Variants in SDR42E2 observed in about 807,000 individuals in gnomAD.
The protein encoded by SDR42E2 is short chain dehydrogenase/reductase family 42E, member 2.
In SDR42E2, 20 loss-of-function variants were observed where a neutral mutation model predicts 10.5. That is an observed-to-expected ratio of 1.90 (90% CI 1.34 to 2.77). SDR42E2 has a LOEUF of 2.77. Ranked by LOEUF, SDR42E2 falls within the 30% of genes most tolerant of loss-of-function variation. SDR42E2 has a pLI of 0.00. For missense variants in SDR42E2, 162 were observed against 104.2 expected (o/e 1.55, Z -2.42); for synonymous variants, 72 against 39.2 (o/e 1.84, Z -3.12).
rs1036626156 is a variant in SDR42E2, at chr16:22,177,979, A to C, written c.590-151A>C. On this transcript the variant is annotated intron_variant, in intron 7 of 12. Transcript: ENST00000602312. ...ATAGTGTCTGTTGAATGACTGACTAAGAGAATAATAAATTGAACGAGGAAG... is the reference window on the plus strand; with the variant it reads ...ATAGTGTCTGTTGAATGACTGACTACGAGAATAATAAATTGAACGAGGAAG... 15 of 580,054 alleles carry C rather than the reference A, an allele frequency of 2.6e-5. No individual in the cohort carries two copies. The African/African-American group carries it at 2.8e-4, about 11-fold the overall frequency. 35.9% of individuals were successfully genotyped at this position (580,054 alleles called of 1,614,324 possible).
chr16:22,181,694 A>T, intron 9 of SDR42E2, 38 bp downstream of exon 9: 1 of 697,594 alleles, frequency 1.4e-6, no homozygotes, highest in Non-Finnish European at 2.6e-6. Flanking sequence ...CCTTCCCCAC[A>T]GGGCTGCAGG....
At chr16:22,184,129 C>T in intron 10 of SDR42E2, 52 bp from the exon 11 acceptor site, 6 of 400,374 alleles carry the variant, frequency 1.5e-5, no homozygotes, top group Non-Finnish European at 2.7e-5. Flanking sequence ...GTGGTCTTTC[C>T]ACACCAGCCC....
intron 8 of SDR42E2, among the ~76,000 whole-genome samples, chr16:22,179,045 G>C (rs573462057): frequency 6.6e-6 from 1 of 152,230 alleles, no homozygotes; most frequent in South Asian, 2.1e-4. Context: ...CCAGGCAAGA[G>C]TGCAATGGTG....
At chr16:22,168,868 G>A (rs574279967) in intron 4 of SDR42E2, among the ~76,000 whole-genome samples, 6 of 151,940 alleles carry the variant, frequency 3.9e-5, no homozygotes, top group South Asian at 2.1e-4. Context: ...AGCTAAACTC[G>A]GTCTCAAAAA....
At chr16:22,187,624 C>A (rs1017662129) in intron 12 of SDR42E2, among the ~76,000 whole-genome samples, 1 of 151,424 alleles carries the variant, frequency 6.6e-6, no homozygotes, top group Admixed American at 6.6e-5. Flanking sequence ...AAAAGATTCT[C>A]CCCCCTCAGC....
chr16:22,185,796 G>T lies in SDR42E2; in HGVS notation c.941-925G>T, dbSNP rs117997937. Among the ~76,000 whole-genome samples the T allele has an allele frequency of 4.6e-5, 7 of 152,088 alleles. No individual in the cohort carries two copies. In the East Asian group the frequency reaches 1.4e-3, roughly 29 times the overall value. ...TAATTTTTATACTTTAGTAGAGATG[G>T]GGGTCTTGCTATGTTACCCCAGCTG... On this transcript the variant is annotated intron_variant, in intron 11 of 12. Transcript: ENST00000602312.
At chr16:22,174,728 C>A (rs1402786218) in intron 7 of SDR42E2, among the ~76,000 whole-genome samples, 1 of 152,086 alleles carries the variant, frequency 6.6e-6, no homozygotes. Flanking sequence ...AATCCTCCAG[C>A]CAAGAATTAT....
chr16:22,180,763 T>C (rs1267838037), intron 8 of SDR42E2, among the ~76,000 whole-genome samples: 1 of 152,058 alleles, frequency 6.6e-6, no homozygotes, highest in African/African-American at 2.4e-5. Flanking sequence ...TCCCAGCACT[T>C]TGGGAGGCCG....
At chr16:22,185,119 A>G (rs1333857027) in intron 11 of SDR42E2, among the ~76,000 whole-genome samples, 1 of 151,874 alleles carries the variant, frequency 6.6e-6, no homozygotes, top group Non-Finnish European at 1.5e-5. Context: ...ACCCCCGACA[A>G]TGCGTCTTGG....
intron 12 of SDR42E2, among the ~76,000 whole-genome samples, chr16:22,189,076 T>C (rs1165561007): frequency 6.6e-6 from 1 of 152,138 alleles, no homozygotes; most frequent in Non-Finnish European, 1.5e-5. Context: ...TCTAGGTGTA[T>C]TAGGGACCCT....
Position 22,190,508 on chromosome 16 carries a change from T to C in SDR42E2, c.*115T>C. ...CTTCTGGGTTTGAGCGCGCCTCCGC[T>C]CCGCCCCTTGAATCCTGGTCACGCC... On this transcript the variant is annotated 3_prime_UTR_variant, in exon 13 of 13. Transcript: ENST00000602312. The C allele has an allele frequency of 7.5e-6, 3 of 399,284 alleles. No individual in the cohort carries two copies. The highest frequency in any genetic ancestry group is 1.3e-5 in the Non-Finnish European group (3 of 226,584). The allele number at this position is 399,284 out of a possible 1,614,324, so 24.7% of individuals were successfully genotyped here. A position where few individuals can be genotyped will look rare whatever the true frequency, so the allele number is the denominator to read the frequency against.
chr16:22,164,912 A>G (rs1044236879), intron 1 of SDR42E2, among the ~76,000 whole-genome samples: 9 of 152,136 alleles, frequency 5.9e-5, no homozygotes, highest in African/African-American at 1.9e-4. Context: ...TTGGTACTCC[A>G]TGGAAACTGG....
chr16:22,172,266 ACT>A lies in SDR42E2; in HGVS notation c.525_526del (p.His175GlnfsTer40), dbSNP rs1358163242. 1 of 702,954 alleles carries A rather than the reference ACT, an allele frequency of 1.4e-6. No individual in the cohort carries two copies. The highest frequency in any genetic ancestry group is 1.7e-5 in the African/African-American group (1 of 57,248). The allele number at this position is 702,954 out of a possible 1,614,324, so 43.5% of individuals were successfully genotyped here. A position where few individuals can be genotyped will look rare whatever the true frequency, so the allele number is the denominator to read the frequency against. On this transcript the variant is annotated frameshift_variant, in exon 7 of 13. Transcript: ENST00000602312. LOFTEE classifies it high-confidence loss of function. Reference sequence around the variant, plus strand: ...CCTGGCCTCTGGCAGCACGTAGACCACTACTCCCGAACCAAAGCCATCGCCGA... The same window carrying A: ...CCTGGCCTCTGGCAGCACGTAGACCAACTCCCGAACCAAAGCCATCGCCGA...
chr16:22,179,657 C>CA (rs781132880), intron 8 of SDR42E2, among the ~76,000 whole-genome samples: 3 of 151,840 alleles, frequency 2.0e-5, no homozygotes, highest in Non-Finnish European at 4.4e-5. Context: ...ACTAAAAATA[C>CA]AAAAAATTAG....
intron 9 of SDR42E2, among the ~76,000 whole-genome samples, 191 bp from the exon 10 acceptor site, chr16:22,182,021 A>G (rs1172563830): frequency 1.3e-5 from 2 of 152,102 alleles, no homozygotes; most frequent in African/African-American, 4.8e-5. Context: ...AGGTTAAGCA[A>G]CTCCATGGAG....
rs551303519 is a variant in SDR42E2, at chr16:22,170,813, A to G, written c.395-20A>G. The stretch of plus-strand genomic sequence containing the variant: ...TGTGTGTGTGTGTTTATTTGTTGCT[A>G]TGTGCACCTGCTGCTGCAGTCTGTG... On this transcript the variant is annotated intron_variant, in intron 5 of 12. Transcript: ENST00000602312. 9 of 702,820 alleles carry G rather than the reference A, an allele frequency of 1.3e-5. No homozygotes were observed. The highest frequency in any genetic ancestry group is 5.4e-5 in the East Asian group (2 of 37,268). 43.5% of individuals were successfully genotyped at this position (702,820 alleles called of 1,614,324 possible).
chr16:22,174,031 G>T (rs2046623432), intron 7 of SDR42E2, among the ~76,000 whole-genome samples: 1 of 150,248 alleles, frequency 6.7e-6, no homozygotes, highest in East Asian at 2.0e-4. Flanking sequence ...GAGAGTCGGA[G>T]GCTTAAAAAT....
Position 22,186,910 on chromosome 16 carries a change from G to A in SDR42E2, c.1014+116G>A, listed in dbSNP as rs913466939. 9 of 366,676 alleles carry A rather than the reference G, an allele frequency of 2.5e-5. No homozygotes were observed. The East Asian group carries it at 2.8e-4, about 11-fold the overall frequency. 22.7% of individuals were successfully genotyped at this position (366,676 alleles called of 1,614,324 possible). A position where few individuals can be genotyped will look rare whatever the true frequency, so the allele number is the denominator to read the frequency against. On this transcript the variant is annotated intron_variant, in intron 12 of 12. Coordinates refer to ENST00000602312, the MANE Select transcript of SDR42E2 (RefSeq NM_001394319.2). The stretch of plus-strand genomic sequence containing the variant: ...CCCCTTTGACACCATGATGACACAT[G>A]CTTGTCTGAAGTCTCAGAACTTTCC...
intron 10 of SDR42E2, among the ~76,000 whole-genome samples, chr16:22,183,705 A>G (rs1013156557): frequency 6.6e-6 from 1 of 152,200 alleles, no homozygotes; most frequent in African/African-American, 2.4e-5. Context: ...AGAAAAGTCA[A>G]TTCTGGAAAA....
Sources: allele counts gnomAD v4.1 joint callset (sites outside exome capture counted in the v4.1 genomes callset), GRCh38; gene constraint gnomAD v4.1.1; transcripts MANE v1.5; gene names NCBI Gene and HGNC (gene_info 2026-07-23, HGNC 2026-07-21).